The following SNTG1 variants were observed in gnomAD, a reference collection of about 807,000 sequenced individuals.
SNTG1 encodes gamma-1-syntrophin.
In SNTG1, 39 loss-of-function variants were observed where a neutral mutation model predicts 74.7. That is an observed-to-expected ratio of 0.52 (90% CI 0.40 to 0.68). SNTG1 has a LOEUF of 0.68. Among genes scored for constraint, SNTG1 ranks in the 30% least tolerant of loss-of-function variants. The probability of loss-of-function intolerance (pLI) is 0.00; values close to 1 mark genes in which losing one functional copy is unlikely to be tolerated. For missense variants in SNTG1, 685 were observed against 609.5 expected (o/e 1.12, Z -1.30); for synonymous variants, 254 against 217.1 (o/e 1.17, Z -1.49).
intron 18 of SNTG1, among the ~76,000 whole-genome samples, chr8:50,754,707 T>C (rs1007094581): frequency 2.0e-5 from 3 of 151,870 alleles, no homozygotes; most frequent in African/African-American, 7.2e-5. Context: ...TTAGTTGCTT[T>C]GGCTTTTATT....
At chr8:50,722,882 C>G (rs1225662737) in intron 17 of SNTG1, among the ~76,000 whole-genome samples, 1 of 152,126 alleles carries the variant, frequency 6.6e-6, no homozygotes, top group African/African-American at 2.4e-5. Context: ...TAATGAAACA[C>G]TGTTTTTGAC....
intron 1 of SNTG1, among the ~76,000 whole-genome samples, chr8:49,918,258 G>T (rs914969722): frequency 6.6e-6 from 1 of 152,110 alleles, no homozygotes; most frequent in Non-Finnish European, 1.5e-5. Context: ...CAAAAGTTTT[G>T]TGGGGAAAAA....
At chr8:50,196,290 A>T (rs541149389) in intron 2 of SNTG1, among the ~76,000 whole-genome samples, 1 of 152,318 alleles carries the variant, frequency 6.6e-6, no homozygotes, top group Non-Finnish European at 1.5e-5. Flanking sequence ...AGCAACTGGT[A>T]TCTCGTAATC....
chr8:50,620,490 T>G (rs1488611428), intron 13 of SNTG1, among the ~76,000 whole-genome samples: 1 of 152,156 alleles, frequency 6.6e-6, no homozygotes, highest in Non-Finnish European at 1.5e-5. Context: ...GAGACAGGCA[T>G]GTGTCAGGCG....
intron 15 of SNTG1, among the ~76,000 whole-genome samples, chr8:50,683,585 T>G (rs2095339811): frequency 6.6e-6 from 1 of 152,134 alleles, no homozygotes; most frequent in South Asian, 2.1e-4. Context: ...TTTTTACATC[T>G]CCCTAGGCAA....
chr8:50,048,205 T>C (rs1039934664), intron 1 of SNTG1, among the ~76,000 whole-genome samples: 1 of 152,088 alleles, frequency 6.6e-6, no homozygotes, highest in Admixed American at 6.6e-5. Context: ...TTTATCCTCC[T>C]CAAAAATAAG....
chr8:50,587,974 G>A (rs1265141312), intron 12 of SNTG1, among the ~76,000 whole-genome samples: 1 of 151,736 alleles, frequency 6.6e-6, no homozygotes, highest in Non-Finnish European at 1.5e-5. Flanking sequence ...AAAAAAATTA[G>A]CCAGGTGTGG....
At chr8:50,523,654 G>T (rs1005085646) in intron 9 of SNTG1, among the ~76,000 whole-genome samples, 7 of 152,060 alleles carry the variant, frequency 4.6e-5, no homozygotes, top group Admixed American at 3.9e-4. Flanking sequence ...AGCTCCAAAA[G>T]AATTACAATA....
chr8:50,602,530 A>G (rs1314056885), intron 13 of SNTG1, among the ~76,000 whole-genome samples: 1 of 152,190 alleles, frequency 6.6e-6, no homozygotes, highest in African/African-American at 2.4e-5. Flanking sequence ...TAAGATGAAT[A>G]GTTTACACAC....
intron 1 of SNTG1, among the ~76,000 whole-genome samples, chr8:50,079,699 T>G (rs1357578010): frequency 6.6e-6 from 1 of 152,152 alleles, no homozygotes. Context: ...GGTTTTAGGT[T>G]TTGCATTTCA....
At chr8:50,352,704 A>C (rs1180783935) in intron 2 of SNTG1, among the ~76,000 whole-genome samples, 1 of 152,144 alleles carries the variant, frequency 6.6e-6, no homozygotes, top group Admixed American at 6.6e-5. Flanking sequence ...CTGTTCTGGT[A>C]ATTATTCAGT....
intron 2 of SNTG1, among the ~76,000 whole-genome samples, chr8:50,225,981 G>T (rs1049330496): frequency 2.6e-5 from 4 of 152,018 alleles, no homozygotes; most frequent in African/African-American, 9.7e-5. Context: ...ACACATATAG[G>T]ACTAGATATG....
intron 1 of SNTG1, among the ~76,000 whole-genome samples, chr8:50,091,150 T>A (rs939386573): frequency 2.6e-5 from 4 of 152,022 alleles, no homozygotes; most frequent in Admixed American, 6.6e-5. Flanking sequence ...GAAAATGAGA[T>A]TATCTATTTT....
At chr8:50,535,970 G>A (rs754400689) in intron 10 of SNTG1, among the ~76,000 whole-genome samples, 12 of 151,818 alleles carry the variant, frequency 7.9e-5, no homozygotes, top group Non-Finnish European at 1.8e-4. Flanking sequence ...AAATAATGAA[G>A]GAAACATGAA....
chr8:50,352,527 A>G (rs1156932544), intron 2 of SNTG1, among the ~76,000 whole-genome samples: 1 of 152,000 alleles, frequency 6.6e-6, no homozygotes, highest in Admixed American at 6.6e-5. Flanking sequence ...AGTAGATCAG[A>G]TTACAGGCAT....
At chr8:50,737,949 A>G (rs1445620043) in intron 17 of SNTG1, among the ~76,000 whole-genome samples, 5 of 152,142 alleles carry the variant, frequency 3.3e-5, no homozygotes, top group African/African-American at 4.8e-5. Flanking sequence ...CACAGCCAAT[A>G]TCATACTGAA....
intron 2 of SNTG1, among the ~76,000 whole-genome samples, chr8:50,355,302 G>A (rs1032267805): frequency 6.6e-6 from 1 of 151,708 alleles, no homozygotes; most frequent in African/African-American, 2.4e-5. Flanking sequence ...TAATTAAATT[G>A]CCACCTCCAA....
intron 1 of SNTG1, among the ~76,000 whole-genome samples, chr8:49,917,041 AT>A (rs1357166142): frequency 4.0e-5 from 1 of 25,290 alleles, no homozygotes; most frequent in Non-Finnish European, 2.8e-4. Flanking sequence ...ATTAAAAATA[AT>A]AAATTTTATT....
chr8:50,110,209 T>A (rs2080529438), intron 1 of SNTG1, among the ~76,000 whole-genome samples: 2 of 152,146 alleles, frequency 1.3e-5, no homozygotes, highest in South Asian at 4.1e-4. Flanking sequence ...GAGTGAGGGA[T>A]TACTGCAAGT....
Sources: allele counts gnomAD v4.1 joint callset (sites outside exome capture counted in the v4.1 genomes callset), GRCh38; gene constraint gnomAD v4.1.1; transcripts MANE v1.5; gene names NCBI Gene and HGNC (gene_info 2026-07-23, HGNC 2026-07-21).